The following GPAM variants were observed in gnomAD, a reference collection of about 807,000 sequenced individuals.
The protein encoded by GPAM is glycerol-3-phosphate acyltransferase 1, mitochondrial.
GPAM carries 56 observed loss-of-function variants against 105.0 expected under a neutral mutation model. That is an observed-to-expected ratio of 0.53 (90% CI 0.43 to 0.67). GPAM has a LOEUF of 0.67. GPAM is among the 30% of genes least tolerant of loss of function. GPAM has a pLI of 0.00. For missense variants in GPAM, 855 were observed against 989.8 expected (o/e 0.86, Z 1.83); for synonymous variants, 368 against 354.4 (o/e 1.04, Z -0.43).
In GPAM at chr10:112,198,780, C is replaced by T. The variant is rs532926747; in HGVS notation, n.211-15889G>A. Among the ~76,000 whole-genome samples, 3 of 152,162 alleles carry T rather than the reference C, an allele frequency of 2.0e-5. No homozygotes were observed. In the South Asian group the frequency reaches 6.2e-4, roughly 32 times the overall value. Reference sequence around the variant, plus strand: ...AAGATATTAAAGCAACCTATGTGTCCGTTGATGGAAGAGTGGGTAAAGAAA... The same window carrying T: ...AAGATATTAAAGCAACCTATGTGTCTGTTGATGGAAGAGTGGGTAAAGAAA... On this transcript the variant is annotated intron_variant and non_coding_transcript_variant, in intron 1 of 3. Transcript: ENST00000480130.
At chr10:112,181,146 AC>A (rs1847500051) in intron 3 of GPAM, among the ~76,000 whole-genome samples, 1 of 151,816 alleles carries the variant, frequency 6.6e-6, no homozygotes, top group Non-Finnish European at 1.5e-5. Flanking sequence ...TCAGTTGCTC[AC>A]ATCTCTGTTA....
chr10:112,202,435 C>G (rs986939438), intron 1 of GPAM, among the ~76,000 whole-genome samples: 1 of 152,040 alleles, frequency 6.6e-6, no homozygotes, highest in Non-Finnish European at 1.5e-5. Flanking sequence ...TCATGGTAAG[C>G]CCTCTTTTAA....
intron 11 of GPAM, 28 bp from the exon 12 acceptor site, chr10:112,166,543 G>T: frequency 7.8e-7 from 1 of 1,275,874 alleles, no homozygotes; most frequent in Non-Finnish European, 1.1e-6. Context: ...GAATAACATG[G>T]TGAGAAATAA....
At chr10:112,169,511 T>A (rs950036286) in intron 9 of GPAM, among the ~76,000 whole-genome samples, 1 of 152,210 alleles carries the variant, frequency 6.6e-6, no homozygotes, top group Non-Finnish European at 1.5e-5. Context: ...CATTTGCACA[T>A]ACACAGGCAT....
intron 7 of GPAM, among the ~76,000 whole-genome samples, chr10:112,173,292 T>C (rs1258902007): frequency 6.6e-6 from 1 of 152,186 alleles, no homozygotes; most frequent in Non-Finnish European, 1.5e-5. Flanking sequence ...CCATTTATTA[T>C]AGACTACAGT....
chr10:112,216,157 T>C (rs1187009498), upstream of GPAM, among the ~76,000 whole-genome samples: 3 of 152,184 alleles, frequency 2.0e-5, no homozygotes, highest in East Asian at 5.8e-4. Flanking sequence ...CCCTATAGAC[T>C]GGTAGACAAA....
chr10:112,187,228 T>C (rs922891692), upstream of GPAM, among the ~76,000 whole-genome samples: 1 of 152,158 alleles, frequency 6.6e-6, no homozygotes, highest in Non-Finnish European at 1.5e-5. Context: ...GGCAAGATGA[T>C]AGATTTAAGC....
rs1203428002 is a variant in GPAM, at chr10:112,202,261, T to C, written n.210+12907A>G. 2.6e-5 allele frequency among the ~76,000 whole-genome samples: 4 copies of C among 152,226 alleles called. No homozygotes were observed. The East Asian group carries it at 7.7e-4, about 29-fold the overall frequency. On this transcript the variant is annotated intron_variant and non_coding_transcript_variant, in intron 1 of 3. Transcript: ENST00000480130. The stretch of plus-strand genomic sequence containing the variant: ...TATATAAGAAAATCGATGTGCTGTG[T>C]GCCAATAAAACTTTATTCATCAAAC...
Position 112,173,844 on chromosome 10 carries a change from C to G in GPAM, c.415G>C (p.Val139Leu). ...VTENVLNSSR[V>L]QEAIAEVAAE... The stretch of plus-strand genomic sequence containing the variant: ...GCCACTTCTGCAATTGCCTCTTGTA[C>G]TCTGGTATGAAAATGGAAAAAGAGA... Residue 139 changes from valine (V) to leucine (L), a missense_variant and splice_region_variant, in exon 7 of 22, where the codon GTA becomes CTA. Transcript: ENST00000348367. 1 of 1,609,944 alleles carries G rather than the reference C, an allele frequency of 6.2e-7. No homozygotes were observed.
chr10:112,159,933 G>T lies in GPAM; in HGVS notation c.1880C>A (p.Ser627Tyr). ...CACCAGTGAGATGGTGCCTTCATTGGAGAGAAGGTAGCACAGGCTGGCCGC... is the reference window on the plus strand; with the variant it reads ...CACCAGTGAGATGGTGCCTTCATTGTAGAGAAGGTAGCACAGGCTGGCCGC... Reference protein sequence around the residue: ...RKAASLCYLLSNEGTISLPCQ... With the variant: ...RKAASLCYLLYNEGTISLPCQ... Residue 627 changes from serine (S) to tyrosine (Y), a missense_variant, in exon 17 of 22, where the codon TCC (serine) becomes TAC (tyrosine). By Grantham distance (144) the Ser-to-Tyr change is moderately radical. Coordinates refer to ENST00000348367, the MANE Select transcript of GPAM (RefSeq NM_001244949.2). 6.2e-7 allele frequency: 1 copy of T among 1,613,876 alleles called. No homozygotes were observed. Among genetic ancestry groups the T allele is most frequent in the Non-Finnish European group, 8.5e-7 (1 of 1,179,832 alleles).
chr10:112,209,073 A>C (rs1004350439), intron 1 of GPAM, among the ~76,000 whole-genome samples: 5 of 152,196 alleles, frequency 3.3e-5, no homozygotes, highest in African/African-American at 1.2e-4. Context: ...TTGCACTGTG[A>C]ATACACTGCA....
chr10:112,168,693 T>TAAC (rs374622483), intron 10 of GPAM, among the ~76,000 whole-genome samples, 160 bp downstream of exon 10: 27 of 152,076 alleles, frequency 1.8e-4, no homozygotes, highest in South Asian at 6.2e-4. Flanking sequence ...ATTTTGGTAA[T>TAAC]AACAACAACA....
intron 1 of GPAM, among the ~76,000 whole-genome samples, chr10:112,193,232 G>A (rs1176381710): frequency 6.6e-6 from 1 of 152,188 alleles, no homozygotes; most frequent in Non-Finnish European, 1.5e-5. Flanking sequence ...GAGTGGCAAA[G>A]ACAGGTGTTG....
At chr10:112,216,106 T>C (rs1455447673), upstream of GPAM, among the ~76,000 whole-genome samples, 1 of 152,204 alleles carries the variant, frequency 6.6e-6, no homozygotes, top group African/African-American at 2.4e-5. Flanking sequence ...AAAGACTACA[T>C]GCATAAAAAC....
At chr10:112,160,107 C>T in intron 16 of GPAM, 54 bp from the exon 17 acceptor site, 1 of 1,539,550 alleles carries the variant, frequency 6.5e-7, no homozygotes, top group South Asian at 1.1e-5. Context: ...CCAAGAAAAA[C>T]TTCAACTGGC....
At chr10:112,220,859 C>T in the GPAM span, among the ~76,000 whole-genome samples, 1 of 151,626 alleles carries the variant, frequency 6.6e-6, no homozygotes, top group Non-Finnish European at 1.5e-5. Flanking sequence ...CAAATACACA[C>T]ACACACACAC....
At chr10:112,193,530 T>C (rs980296577) in intron 1 of GPAM, among the ~76,000 whole-genome samples, 1 of 152,192 alleles carries the variant, frequency 6.6e-6, no homozygotes, top group Non-Finnish European at 1.5e-5. Context: ...GTCCTCTCAA[T>C]AGCCCCATGG....
intron 5 of GPAM, among the ~76,000 whole-genome samples, chr10:112,177,478 A>C (rs1186060117): frequency 6.6e-6 from 1 of 152,122 alleles, no homozygotes; most frequent in Non-Finnish European, 1.5e-5. Flanking sequence ...TTTCTCTCAC[A>C]CTGGTGCTTA....
upstream of GPAM, among the ~76,000 whole-genome samples, chr10:112,188,738 A>C (rs1012073317): frequency 6.6e-6 from 1 of 152,192 alleles, no homozygotes; most frequent in African/African-American, 2.4e-5. Context: ...GCCATCCTAC[A>C]TATTGACCAG....
Sources: gnomAD v4.1 joint callset for allele counts (sites outside exome capture counted in the v4.1 genomes callset) on GRCh38, gnomAD v4.1.1 for gene constraint, MANE v1.5 for transcripts, NCBI Gene and HGNC (gene_info 2026-07-23, HGNC 2026-07-21) for gene names.